The following PCDHA7 variants were observed in gnomAD, a reference collection of about 807,000 sequenced individuals.
PCDHA7 encodes protocadherin alpha-7.
A neutral mutation model predicts 57.2 loss-of-function variants in PCDHA7; 37 were observed. That is an observed-to-expected ratio of 0.65 (90% CI 0.50 to 0.85). PCDHA7 has a LOEUF of 0.85. Ranked by LOEUF, PCDHA7 falls within the 40% of genes least tolerant of loss-of-function variation. PCDHA7 has a pLI of 0.00. For missense variants in PCDHA7, 1,188 were observed against 1,241.8 expected (o/e 0.96, Z 0.65); for synonymous variants, 553 against 558.8 (o/e 0.99, Z 0.15).
intron 1 of PCDHA7, chr5:140,928,385 T>G: frequency 6.2e-7 from 1 of 1,614,046 alleles, no homozygotes; most frequent in Middle Eastern, 1.7e-4. Flanking sequence ...TCTAGCTTGC[T>G]GGCAGTGGAA....
chr5:140,875,216 A>T, intron 1 of PCDHA7: 1 of 717,612 alleles, frequency 1.4e-6, no homozygotes, highest in East Asian at 3.2e-5. Flanking sequence ...ACCGAAAAGA[A>T]CCTCAGGATC....
intron 1 of PCDHA7, among the ~76,000 whole-genome samples, chr5:140,940,939 C>T (rs930086780): frequency 2.0e-5 from 3 of 152,154 alleles, no homozygotes; most frequent in African/African-American, 2.4e-5. Context: ...ACTTAGACTA[C>T]GTATTCTCAG....
At chr5:140,926,575 C>T in intron 1 of PCDHA7, 1 of 273,448 alleles carries the variant, frequency 3.7e-6, no homozygotes, top group Non-Finnish European at 6.8e-6. Flanking sequence ...CTGGAGACAG[C>T]ACCTCTCGCG....
rs542968986 is a variant in PCDHA7, at chr5:141,005,917, A to T, written c.2504-3710A>T. On this transcript the variant is annotated intron_variant, in intron 3 of 3. Transcript: ENST00000525929. ...AGCAATGATTGCACCACTGCACTTCAGCCTGGTTGACAGAGTGAGAACCTA... is the reference window on the plus strand; with the variant it reads ...AGCAATGATTGCACCACTGCACTTCTGCCTGGTTGACAGAGTGAGAACCTA... Among the ~76,000 whole-genome samples the T allele has an allele frequency of 4.5e-4, 69 of 152,156 alleles. No homozygotes were observed. In the South Asian group the frequency reaches 0.013, roughly 28 times the overall value.
At chr5:140,847,774 C>T (rs1554141905) in intron 1 of PCDHA7, 2 of 149,772 alleles carry the variant, frequency 1.3e-5, no homozygotes, top group East Asian at 3.9e-4. Context: ...AGTCAATTCT[C>T]GCTTTTCTTG....
In PCDHA7 at chr5:140,997,121, A is replaced by G. The variant is rs138556400; in HGVS notation, c.2504-12506A>G. On this transcript the variant is annotated intron_variant, in intron 3 of 3. Transcript: ENST00000525929. ...CTCATGCACTCCTGCTCTCCCACAT[A>G]CACAATGCCCCCACACCCCCGCCAC... 2.1e-4 allele frequency among the ~76,000 whole-genome samples: 32 copies of G among 152,152 alleles called. No individual in the cohort carries two copies. The East Asian group carries it at 5.8e-3, about 28-fold the overall frequency.
rs1554136166 is a variant in PCDHA7 at position 140,836,634 on chromosome 5, T to A, written c.2251T>A (p.Ser751Thr). Residue 751 changes from serine (S) to threonine (T), a missense_variant, in exon 1 of 4, where the codon TCC (serine) becomes ACC (threonine). Physicochemically the swap from Ser to Thr is moderately conservative, Grantham distance 58. Transcript: ENST00000525929. Reference protein sequence around the residue: ...CSSAVGSWSFSQQRRQRVCSG... With the variant: ...CSSAVGSWSFTQQRRQRVCSG... ...CAGCGCGGTGGGGAGCTGGTCATTC[T>A]CCCAGCAGAGGCGGCAGAGGGTGTG... 6 of 1,613,416 alleles carry A rather than the reference T, an allele frequency of 3.7e-6. No homozygotes were observed. The East Asian group carries it at 1.3e-4, about 36-fold the overall frequency.
chr5:140,856,105 C>T (rs1287720041), intron 1 of PCDHA7: 2 of 1,598,000 alleles, frequency 1.3e-6, no homozygotes, highest in Non-Finnish European at 1.7e-6. Flanking sequence ...CGCTTCTTCT[C>T]CTCGCAGCCT....
intron 1 of PCDHA7, among the ~76,000 whole-genome samples, chr5:140,945,406 G>A (rs992531626): frequency 2.0e-4 from 30 of 151,882 alleles, no homozygotes; most frequent in East Asian, 1.2e-3. Flanking sequence ...AATACAATTC[G>A]TATCAAAATT....
chr5:140,956,522 C>T (rs1043265748), intron 1 of PCDHA7, among the ~76,000 whole-genome samples: 14 of 152,116 alleles, frequency 9.2e-5, no homozygotes, highest in Non-Finnish European at 1.9e-4. Flanking sequence ...GGTGAATAAG[C>T]TTTTTGATGT....
At chr5:140,956,890 G>T (rs2095318198) in intron 1 of PCDHA7, among the ~76,000 whole-genome samples, 3 of 152,136 alleles carry the variant, frequency 2.0e-5, no homozygotes, top group Non-Finnish European at 4.4e-5. Context: ...ATCAATGAAT[G>T]AATATTCTTA....
At chr5:140,986,163 G>A (rs1186387690) in intron 3 of PCDHA7, among the ~76,000 whole-genome samples, 1 of 152,212 alleles carries the variant, frequency 6.6e-6, no homozygotes, top group African/African-American at 2.4e-5. Flanking sequence ...AATGTTTTCT[G>A]CAGGATAAAC....
At position 140,869,505 on chromosome 5, in the gene PCDHA7, G is replaced by A. The variant is rs376431150; in HGVS notation, c.2355+32767G>A. On this transcript the variant is annotated intron_variant, in intron 1 of 3. Coordinates refer to ENST00000525929, the MANE Select transcript of PCDHA7 (RefSeq NM_018910.3). ...TTAACGACAACCCGCCGGTGTTCTCGCTCAGAGAACAAAAGCTGCTGATTG... is the reference window on the plus strand; with the variant it reads ...TTAACGACAACCCGCCGGTGTTCTCACTCAGAGAACAAAAGCTGCTGATTG... 89 of 1,614,192 alleles carry A rather than the reference G, an allele frequency of 5.5e-5. No individual in the cohort carries two copies. In the African/African-American group the frequency reaches 1.1e-3, roughly 19 times the overall value.
intron 1 of PCDHA7, chr5:140,851,388 A>G (rs2042047686): frequency 1.0e-6 from 1 of 974,904 alleles, no homozygotes; most frequent in Admixed American, 6.2e-5. Flanking sequence ...AACCTTCAGT[A>G]TCTATTATTT....
At chr5:140,860,167 A>G (rs924380316) in intron 1 of PCDHA7, 2 of 149,440 alleles carry the variant, frequency 1.3e-5, no homozygotes, top group Non-Finnish European at 3.0e-5. Flanking sequence ...ATATATATGT[A>G]TATATATATG....
intron 1 of PCDHA7, among the ~76,000 whole-genome samples, chr5:140,973,841 G>A (rs2096604649): frequency 6.6e-6 from 1 of 152,188 alleles, no homozygotes; most frequent in Admixed American, 6.5e-5. Context: ...CTTGCTTGTT[G>A]CCTACCAATT....
At chr5:140,861,714 C>T (rs1270815582) in intron 1 of PCDHA7, 2 of 216,396 alleles carry the variant, frequency 9.2e-6, no homozygotes, top group Non-Finnish European at 1.9e-5. Flanking sequence ...GACGTCGGGG[C>T]CAATGCTCTG....
At chr5:140,950,551 G>T (rs1162032370) in intron 1 of PCDHA7, among the ~76,000 whole-genome samples, 1 of 151,932 alleles carries the variant, frequency 6.6e-6, no homozygotes, top group African/African-American at 2.4e-5. Context: ...CATGGCTGGG[G>T]GGACACTTAT....
At chr5:140,920,960 A>C (rs1554200006) in intron 1 of PCDHA7, among the ~76,000 whole-genome samples, 1 of 151,930 alleles carries the variant, frequency 6.6e-6, no homozygotes, top group Admixed American at 6.6e-5. Flanking sequence ...CTACACATGT[A>C]GTACTAGAGT....
Sources: gnomAD v4.1 joint callset for allele counts (sites outside exome capture counted in the v4.1 genomes callset) on GRCh38, gnomAD v4.1.1 for gene constraint, MANE v1.5 for transcripts, NCBI Gene and HGNC (gene_info 2026-07-23, HGNC 2026-07-21) for gene names.